The following INSR variants were observed in gnomAD, a reference collection of about 807,000 sequenced individuals.
The protein encoded by INSR is insulin receptor.
INSR carries 67 observed loss-of-function variants against 142.6 expected under a neutral mutation model. The observed-to-expected ratio is 0.47, with a 90% CI of 0.39 to 0.58. The LOEUF (loss-of-function observed/expected upper bound fraction) is 0.58, where lower values mean the gene tolerates loss of function less well. INSR is among the 20% of genes least tolerant of loss of function. The pLI, the probability that INSR is intolerant of heterozygous loss-of-function variation, is 0.00. For synonymous variants in INSR, 756 were observed against 743.1 expected, an observed-to-expected ratio of 1.02 and a Z score of -0.28; for missense variants, 1,248 against 1,833.2, an observed-to-expected ratio of 0.68 and a Z score of 5.83.
At chr19:7,206,469 A>G (rs555513961) in intron 2 of INSR, among the ~76,000 whole-genome samples, 1 of 152,296 alleles carries the variant, frequency 6.6e-6, no homozygotes, top group East Asian at 1.9e-4. Context: ...ATCTGTATTT[A>G]CAGTCACTCC....
intron 3 of INSR, among the ~76,000 whole-genome samples, chr19:7,180,192 A>G (rs143487301): frequency 0.019 from 2,850 of 152,308 alleles, 42 homozygotes; most frequent in Non-Finnish European, 0.031. Context: ...GAGCTAGCTG[A>G]TACACTCACA....
intron 3 of INSR, among the ~76,000 whole-genome samples, chr19:7,180,457 G>A (rs1466700007): frequency 1.4e-5 from 2 of 147,108 alleles, no homozygotes; most frequent in Non-Finnish European, 3.0e-5. Flanking sequence ...TTGAGCCCAG[G>A]GGGTTGAGAC....
chr19:7,198,266 C>G (rs1159194851), intron 2 of INSR, among the ~76,000 whole-genome samples: 1 of 151,384 alleles, frequency 6.6e-6, no homozygotes, highest in South Asian at 2.1e-4. Flanking sequence ...CTGGCCCCGC[C>G]CCCCGGGTGC....
chr19:7,207,842 G>A (rs1231545469), intron 2 of INSR, among the ~76,000 whole-genome samples: 1 of 151,028 alleles, frequency 6.6e-6, no homozygotes, highest in African/African-American at 2.4e-5. Flanking sequence ...AGCTATGACT[G>A]TGCCGTTGCA....
At chr19:7,229,952 T>C (rs1379689831) in intron 2 of INSR, among the ~76,000 whole-genome samples, 5 of 151,894 alleles carry the variant, frequency 3.3e-5, no homozygotes, top group African/African-American at 1.2e-4. Context: ...TTCTTTTTTT[T>C]GTTTGTTTGT....
intron 2 of INSR, among the ~76,000 whole-genome samples, chr19:7,221,533 C>CCCGTGCTACTAAACGGGTACGAAA (rs1391814449): frequency 2.0e-5 from 3 of 152,076 alleles, no homozygotes; most frequent in Admixed American, 6.6e-5. Flanking sequence ...CACGGCGAAA[C>CCCGTGCTACTAAACGGGTACGAAA]CCCGTCCCTA....
intron 3 of INSR, among the ~76,000 whole-genome samples, chr19:7,180,386 G>A (rs1475257091): frequency 6.6e-6 from 1 of 151,890 alleles, no homozygotes; most frequent in Non-Finnish European, 1.5e-5. Context: ...TTTTTAGCCA[G>A]GTGTGGTGGT....
intron 2 of INSR, among the ~76,000 whole-genome samples, chr19:7,219,180 G>A (rs911713054): frequency 6.6e-6 from 1 of 152,180 alleles, no homozygotes; most frequent in Non-Finnish European, 1.5e-5. Context: ...AGGACCTGGG[G>A]AAATTACCCA....
chr19:7,141,130 C>T (rs1973061279), intron 13 of INSR, among the ~76,000 whole-genome samples: 1 of 152,170 alleles, frequency 6.6e-6, no homozygotes, highest in Admixed American at 6.5e-5. Context: ...GCAACCTCCA[C>T]CTCCTGGCTT....
chr19:7,177,255 G>GA (rs1974155141), intron 3 of INSR, among the ~76,000 whole-genome samples: 1 of 152,094 alleles, frequency 6.6e-6, no homozygotes, highest in Non-Finnish European at 1.5e-5. Context: ...GTGCAGTGAG[G>GA]GTTTTGCTAG....
intron 2 of INSR, among the ~76,000 whole-genome samples, chr19:7,231,205 G>A (rs1975962666): frequency 6.6e-6 from 1 of 152,206 alleles, no homozygotes; most frequent in South Asian, 2.1e-4. Context: ...AAAGAGGGGG[G>A]AAGAATTAAT....
Position 7,159,955 on chromosome 19 carries a change from G to C in INSR, c.2029+3077C>G, listed in dbSNP as rs932740306. Among the ~76,000 whole-genome samples the C allele has an allele frequency of 7.2e-5, 11 of 152,084 alleles. No homozygotes were observed. Among genetic ancestry groups the C allele is most frequent in the African/African-American group, 1.2e-4 (5 of 41,414 alleles). On this transcript the variant is annotated intron_variant, in intron 9 of 21. Coordinates refer to ENST00000302850, the MANE Select transcript of INSR (RefSeq NM_000208.4). This position sits in a 1 kb window ranked among gnomAD's most constrained non-coding sequence, Gnocchi z 4.3. ...TCATGGACCGAGGATATCACTAACAGAAAATATCTCAAGAAAAATACATCA... is the reference window on the plus strand; with the variant it reads ...TCATGGACCGAGGATATCACTAACACAAAATATCTCAAGAAAAATACATCA...
chr19:7,139,083 T>C (rs997807111), intron 13 of INSR, among the ~76,000 whole-genome samples: 1 of 152,164 alleles, frequency 6.6e-6, no homozygotes, highest in African/African-American at 2.4e-5. Flanking sequence ...ATATGGGGCA[T>C]GTCCTTCCTT....
At chr19:7,126,340 C>T (rs1375726270) in intron 16 of INSR, among the ~76,000 whole-genome samples, 3 of 152,232 alleles carry the variant, frequency 2.0e-5, no homozygotes, top group Non-Finnish European at 2.9e-5. Context: ...CCCAAGTGGT[C>T]GACCCTGCCC....
chr19:7,204,514 T>C (rs1051601178), intron 2 of INSR, among the ~76,000 whole-genome samples: 1 of 152,156 alleles, frequency 6.6e-6, no homozygotes, highest in Non-Finnish European at 1.5e-5. Context: ...AGTTCTCTGA[T>C]TGGGGGAAAG....
At chr19:7,178,225 G>A (rs1438052167) in intron 3 of INSR, among the ~76,000 whole-genome samples, 2 of 122,858 alleles carry the variant, frequency 1.6e-5, no homozygotes, top group Non-Finnish European at 3.3e-5. Flanking sequence ...GGAGTGTTAG[G>A]AATGTCGGGG....
At chr19:7,209,833 A>AC (rs1216233249) in intron 2 of INSR, among the ~76,000 whole-genome samples, 1 of 152,054 alleles carries the variant, frequency 6.6e-6, no homozygotes, top group Non-Finnish European at 1.5e-5. Context: ...TATTTCATCC[A>AC]CCCTACTCCA....
chr19:7,169,517 A>G (rs2144947623), intron 6 of INSR, among the ~76,000 whole-genome samples: 1 of 146,316 alleles, frequency 6.8e-6, no homozygotes, highest in Admixed American at 7.0e-5. Flanking sequence ...AGGAGGTTGC[A>G]GTGAGGCAAG....
intron 2 of INSR, among the ~76,000 whole-genome samples, chr19:7,202,016 T>C (rs1302147234): frequency 6.6e-6 from 1 of 152,146 alleles, no homozygotes; most frequent in African/African-American, 2.4e-5. Context: ...TGTCTTAGTT[T>C]TTCTGTTTTA....
Sources: gnomAD v4.1 joint callset for allele counts (sites outside exome capture counted in the v4.1 genomes callset) on GRCh38, gnomAD v4.1.1 for gene constraint, Gnocchi (gnomAD v3.1) non-coding constraint, MANE v1.5 for transcripts, NCBI Gene and HGNC (gene_info 2026-07-23, HGNC 2026-07-21) for gene names.